Variants in EXOC6 observed in about 807,000 individuals in gnomAD.
EXOC6 encodes the protein exocyst complex component 6.
A neutral mutation model predicts 112.5 loss-of-function variants in EXOC6; 60 were observed. The ratio of observed to expected loss-of-function variants is 0.53; its 90% confidence interval spans 0.43 to 0.66. The LOEUF is 0.66. Among genes scored for constraint, EXOC6 ranks in the 30% least tolerant of loss-of-function variants. EXOC6 has a pLI of 0.00. For synonymous variants in EXOC6, 295 were observed against 308.0 expected, an observed-to-expected ratio of 0.96 and a Z score of 0.44; for missense variants, 855 against 957.1, an observed-to-expected ratio of 0.89 and a Z score of 1.41.
At chr10:92,997,109 G>T (rs964324380) in intron 18 of EXOC6, among the ~76,000 whole-genome samples, 5 of 152,106 alleles carry the variant, frequency 3.3e-5, no homozygotes, top group African/African-American at 1.2e-4. Context: ...TGGATAAAAT[G>T]TTCTGTCAGT....
intron 19 of EXOC6, among the ~76,000 whole-genome samples, chr10:93,002,621 A>G (rs1225521860): frequency 2.0e-5 from 3 of 152,152 alleles, no homozygotes; most frequent in Non-Finnish European, 4.4e-5. Flanking sequence ...ATTTAGGTCA[A>G]TTATTCAGAA....
At chr10:92,838,107 G>C (rs114849931) in intron 1 of EXOC6, among the ~76,000 whole-genome samples, 131 of 152,314 alleles carry the variant, frequency 8.6e-4, no homozygotes, top group African/African-American at 3.0e-3. Flanking sequence ...GGACTCAAGA[G>C]ATGGTTTCTA....
intron 8 of EXOC6, among the ~76,000 whole-genome samples, chr10:92,925,894 C>T (rs1362702021): frequency 5.3e-5 from 8 of 151,998 alleles, no homozygotes; most frequent in African/African-American, 1.9e-4. Flanking sequence ...AACTCCTGGC[C>T]TTGAGCAATC....
intron 20 of EXOC6, among the ~76,000 whole-genome samples, chr10:93,029,722 T>C (rs147828768): frequency 4.6e-5 from 7 of 152,314 alleles, no homozygotes; most frequent in African/African-American, 1.7e-4. Flanking sequence ...CACAAAGATA[T>C]TTTCCTTTGT....
At chr10:92,855,223 A>AT (rs142433469) in intron 1 of EXOC6, among the ~76,000 whole-genome samples, 12 of 149,328 alleles carry the variant, frequency 8.0e-5, no homozygotes, top group East Asian at 5.9e-4. Flanking sequence ...TGGCATGAAA[A>AT]TTTTTTTTTT....
At chr10:92,920,698 C>A (rs1284101120) in intron 8 of EXOC6, among the ~76,000 whole-genome samples, 4 of 152,192 alleles carry the variant, frequency 2.6e-5, no homozygotes, top group African/African-American at 9.6e-5. Flanking sequence ...GAGTCTTCAA[C>A]TATAACTGTT....
intron 14 of EXOC6, among the ~76,000 whole-genome samples, chr10:92,951,068 G>T (rs1454530256): frequency 6.6e-6 from 1 of 152,118 alleles, no homozygotes; most frequent in African/African-American, 2.4e-5. Context: ...CATTCACTGT[G>T]ATAAGAAACA....
At chr10:93,025,761 A>G (rs1375426932) in intron 20 of EXOC6, among the ~76,000 whole-genome samples, 1 of 152,218 alleles carries the variant, frequency 6.6e-6, no homozygotes, top group Non-Finnish European at 1.5e-5. Context: ...AAAGTACATT[A>G]TGCATTCGGG....
intron 20 of EXOC6, among the ~76,000 whole-genome samples, chr10:93,046,435 G>A (rs954412200): frequency 2.0e-5 from 3 of 152,152 alleles, no homozygotes; most frequent in Non-Finnish European, 2.9e-5. Context: ...AAAAAAGAGT[G>A]ACAGCTAACC....
At chr10:92,888,537 C>G (rs953101542) in intron 1 of EXOC6, among the ~76,000 whole-genome samples, 1 of 152,202 alleles carries the variant, frequency 6.6e-6, no homozygotes, top group Admixed American at 6.5e-5. Flanking sequence ...GTCAAATCCT[C>G]CCTTGAAGGG....
chr10:92,836,257 A>C (rs1229771874), intron 1 of EXOC6, among the ~76,000 whole-genome samples: 3 of 152,124 alleles, frequency 2.0e-5, no homozygotes, highest in Non-Finnish European at 4.4e-5. Flanking sequence ...CTGTCCTTAG[A>C]ACTAACCTGT....
Position 93,014,221 on chromosome 10 carries a change from G to A in EXOC6, c.2123G>A (p.Gly708Glu). 1 of 1,613,252 alleles carries A rather than the reference G, an allele frequency of 6.2e-7. No homozygotes were observed. Among genetic ancestry groups the A allele is most frequent in the East Asian group, 2.2e-5 (1 of 44,854 alleles). ...ELFASSEPVP[G>E]FQGDTLQLAF... is the part of the protein sequence containing the mutation. ...TTTGCCAGCTCTGAGCCTGTGCCAG[G>A]ATTCCAGGGGGATACCCTGCAGCTA... The change falls in exon 20 of 22, where the codon GGA becomes GAA. Residue 708 changes from glycine (G) to glutamate (E), a missense_variant. Physicochemically the swap from Gly to Glu is moderately conservative, Grantham distance 98. Transcript: ENST00000260762.
intron 18 of EXOC6, among the ~76,000 whole-genome samples, chr10:92,974,755 A>T (rs1268879476): frequency 6.6e-6 from 1 of 151,912 alleles, no homozygotes; most frequent in Non-Finnish European, 1.5e-5. Flanking sequence ...TTTGGTGGAG[A>T]CGGGGTTTCG....
intron 1 of EXOC6, among the ~76,000 whole-genome samples, chr10:92,858,025 C>CCCA (rs1847701792): frequency 7.5e-6 from 1 of 133,714 alleles, no homozygotes; most frequent in Non-Finnish European, 1.6e-5. Flanking sequence ...GACGGGTTCC[C>CCCA]CCCCTCCGCC....
At chr10:92,847,834 CCTTTTT>C (rs1431033419), upstream of EXOC6, among the ~76,000 whole-genome samples, 7 of 69,416 alleles carry the variant, frequency 1.0e-4, no homozygotes, top group African/African-American at 1.3e-4. Context: ...TCGCCCTGGG[CCTTTTT>C]TTTTTTTTTT....
At chr10:92,910,928 C>A (rs1850715415) in intron 6 of EXOC6, among the ~76,000 whole-genome samples, 1 of 47,412 alleles carries the variant, frequency 2.1e-5, no homozygotes, top group African/African-American at 9.1e-5. Flanking sequence ...GACTCTGTCT[C>A]AATAATAATA....
intron 20 of EXOC6, among the ~76,000 whole-genome samples, chr10:93,041,040 G>A (rs748269400): frequency 2.6e-5 from 4 of 152,134 alleles, no homozygotes; most frequent in African/African-American, 4.8e-5. Flanking sequence ...TGTGTGTCCC[G>A]CATGCTGTGT....
intron 20 of EXOC6, among the ~76,000 whole-genome samples, chr10:93,027,638 A>G (rs1845087562): frequency 6.6e-6 from 1 of 152,182 alleles, no homozygotes; most frequent in Admixed American, 6.5e-5. Flanking sequence ...GTGCTCTATA[A>G]ATGGAACAAC....
intron 1 of EXOC6, among the ~76,000 whole-genome samples, chr10:92,874,993 A>G (rs1477616364): frequency 3.3e-5 from 5 of 152,272 alleles, no homozygotes; most frequent in South Asian, 4.1e-4. Flanking sequence ...AGCTTGTCCA[A>G]CCTTGTCAAT....
Sources: allele counts gnomAD v4.1 joint callset (sites outside exome capture counted in the v4.1 genomes callset), GRCh38; gene constraint gnomAD v4.1.1; transcripts MANE v1.5; gene names NCBI Gene and HGNC (gene_info 2026-07-23, HGNC 2026-07-21).